Variants in DNM2 observed in about 807,000 individuals in gnomAD.
DNM2 encodes the protein dynamin-2.
Under a neutral mutation model 99.0 loss-of-function variants are expected in DNM2, and 15 were observed. The ratio of observed to expected loss-of-function variants is 0.15; its 90% CI spans 0.10 to 0.23. DNM2 has a LOEUF of 0.23. DNM2 is among the 10% of genes least tolerant of loss of function. The pLI, the probability that DNM2 is intolerant of heterozygous loss-of-function variation, is 1.00. For synonymous variants in DNM2, 525 were observed against 481.2 expected, an observed-to-expected ratio of 1.09 and a Z score of -1.19; for missense variants, 742 against 1,189.4, an observed-to-expected ratio of 0.62 and a Z score of 5.53.
intron 6 of DNM2, among the ~76,000 whole-genome samples, chr19:10,784,272 G>A (rs560987876): frequency 2.0e-5 from 3 of 152,068 alleles, no homozygotes; most frequent in Non-Finnish European, 4.4e-5. Context: ...CCAACAAACC[G>A]CCAGATAAAT....
intron 13 of DNM2, among the ~76,000 whole-genome samples, chr19:10,807,825 C>T (rs2072402897): frequency 6.7e-6 from 1 of 150,292 alleles, no homozygotes; most frequent in Non-Finnish European, 1.5e-5. Context: ...CTGGGATTAT[C>T]ATGCCAGCCT....
intron 18 of DNM2, among the ~76,000 whole-genome samples, chr19:10,827,128 C>T (rs2073166071): frequency 6.6e-6 from 1 of 152,142 alleles, no homozygotes; most frequent in South Asian, 2.1e-4. Flanking sequence ...GCCCTCCCAC[C>T]CTGTTGCTCC....
At chr19:10,800,149 T>C (rs985564747) in intron 11 of DNM2, among the ~76,000 whole-genome samples, 1 of 152,184 alleles carries the variant, frequency 6.6e-6, no homozygotes, top group Non-Finnish European at 1.5e-5. Context: ...GAGCCACTGC[T>C]CCCAGATCTG....
chr19:10,772,399 A>G lies in DNM2; in HGVS notation c.236-80A>G. 1 of 1,588,220 alleles carries G rather than the reference A, an allele frequency of 6.3e-7. No individual in the cohort carries two copies. The highest frequency in any genetic ancestry group is 8.6e-7 in the Non-Finnish European group (1 of 1,166,080). On this transcript the variant is annotated intron_variant, in intron 2 of 20. Coordinates refer to ENST00000389253, the MANE Select transcript of DNM2 (RefSeq NM_001005361.3). The surrounding 1 kb of genome is among the most constrained non-coding windows in gnomAD (Gnocchi z 4.9). ...CAGCCTGGGTCATTACTTTCATTCA[A>G]CAAAGCATTTCTCCCCGCAGTCCAT... is the stretch of plus-strand genomic sequence containing the variant.
At chr19:10,779,502 C>CTTTCTTTTT (rs1290878626) in intron 5 of DNM2, among the ~76,000 whole-genome samples, 23 of 29,628 alleles carry the variant, frequency 7.8e-4, no homozygotes, top group Non-Finnish European at 1.0e-3. Context: ...TTCTTTCTTT[C>CTTTCTTTTT]TTTTTTTTTT....
At chr19:10,804,769 A>G (rs558780862) in intron 12 of DNM2, among the ~76,000 whole-genome samples, 10 of 152,218 alleles carry the variant, frequency 6.6e-5, no homozygotes, top group Non-Finnish European at 1.2e-4. Flanking sequence ...ACTGGATAAA[A>G]TTCTGCCTTT....
At chr19:10,761,557 C>T (rs1039241063) in intron 2 of DNM2, among the ~76,000 whole-genome samples, 6 of 152,108 alleles carry the variant, frequency 3.9e-5, no homozygotes, top group East Asian at 1.9e-4. Flanking sequence ...CAGCTCTGGG[C>T]GTTCAACACT....
chr19:10,766,913 C>T (rs769657095), intron 2 of DNM2, among the ~76,000 whole-genome samples: 4 of 152,164 alleles, frequency 2.6e-5, no homozygotes, highest in African/African-American at 9.7e-5. Flanking sequence ...TGAGGGGGCC[C>T]GGGCTGACCC....
intron 7 of DNM2, among the ~76,000 whole-genome samples, chr19:10,787,461 ACT>A (rs1411960020): frequency 6.8e-6 from 1 of 147,252 alleles, no homozygotes; most frequent in African/African-American, 2.5e-5. Context: ...TCAGAGTGAG[ACT>A]CTGTTTAAAA....
chr19:10,729,830 T>A (rs1250385647), intron 1 of DNM2, among the ~76,000 whole-genome samples: 1 of 151,912 alleles, frequency 6.6e-6, no homozygotes, highest in African/African-American at 2.4e-5. Flanking sequence ...TACATGCTGG[T>A]ACCTATAGAG....
chr19:10,830,134 C>T lies in DNM2; in HGVS notation c.2299C>T (p.Pro767Ser), dbSNP rs2073286433. 1 of 1,613,744 alleles carries T rather than the reference C, an allele frequency of 6.2e-7. No homozygotes were observed. Among genetic ancestry groups the T allele is most frequent in the African/African-American group, 1.3e-5 (1 of 74,870 alleles). Reference sequence around the variant, plus strand: ...CCCTCTCCTTCCTCACAGCCCCACTCCACAGCGCCGACCGGTGTCCAGCAT... The same window carrying T: ...CCCTCTCCTTCCTCACAGCCCCACTTCACAGCGCCGACCGGTGTCCAGCAT... ...LQSASSHSPT[P>S]QRRPVSSIHP... Residue 767 changes from proline (P) to serine (S), a missense_variant, in exon 20 of 21, where the codon CCA becomes TCA. Pro to Ser is a moderately conservative substitution (Grantham distance 74). Transcript: ENST00000389253. This position sits in a 1 kb window ranked among gnomAD's most constrained non-coding sequence, Gnocchi z 4.8.
At chr19:10,798,375 C>T in intron 10 of DNM2, 111 bp from the exon 11 acceptor site, 1 of 692,012 alleles carries the variant, frequency 1.4e-6, no homozygotes, top group South Asian at 1.9e-5. Context: ...CTCGGTGGGC[C>T]CCCTCATATC....
At position 10,795,383 on chromosome 19, in the gene DNM2, C is replaced by T. The variant is rs147526170; in HGVS notation, c.1140C>T (p.Asp380=). The T allele has an allele frequency of 8.7e-6, 14 of 1,614,014 alleles. No homozygotes were observed. The highest frequency in any genetic ancestry group is 8.0e-5 in the African/African-American group (6 of 74,910). The change falls in exon 9 of 21, where the codon GAC becomes GAT. Residue 380 remains aspartate, a synonymous_variant. Transcript: ENST00000389253. The surrounding 1 kb of genome is among the most constrained non-coding windows in gnomAD (Gnocchi z 4.2). ...TTGTCTCTTCTCAGATGGAGTTTGA[C>T]GAGAAGGACTTACGACGGGAGATCA... ...FPFELVKMEF[D]EKDLRREISY... is the part of the protein sequence containing the mutation.
intron 1 of DNM2, among the ~76,000 whole-genome samples, chr19:10,756,568 C>G (rs2070392078): frequency 6.6e-6 from 1 of 152,186 alleles, no homozygotes; most frequent in African/African-American, 2.4e-5. Context: ...TAGTGCCTGG[C>G]AGGCAGGTCC....
At chr19:10,721,344 ATGGG>A (rs1198237015) in intron 1 of DNM2, among the ~76,000 whole-genome samples, 1 of 152,120 alleles carries the variant, frequency 6.6e-6, no homozygotes, top group African/African-American at 2.4e-5. Context: ...TTTAGCAGAG[ATGGG>A]GTTTCACCAT....
chr19:10,777,422 G>A (rs2071191059), intron 5 of DNM2, among the ~76,000 whole-genome samples: 1 of 152,058 alleles, frequency 6.6e-6, no homozygotes, highest in African/African-American at 2.4e-5. Context: ...ACACCTGCTG[G>A]TTTCTGAAAC....
intron 2 of DNM2, among the ~76,000 whole-genome samples, chr19:10,766,931 A>G (rs2070817070): frequency 6.6e-6 from 1 of 152,098 alleles, no homozygotes; most frequent in South Asian, 2.1e-4. Context: ...CCCTCCTCCC[A>G]GGGAGCCCTC....
At chr19:10,825,846 T>C (rs1376216866) in intron 18 of DNM2, among the ~76,000 whole-genome samples, 14 of 95,902 alleles carry the variant, frequency 1.5e-4, no homozygotes, top group Admixed American at 5.1e-4. Context: ...AGAGCGAGAC[T>C]CCATCTCAAA....
chr19:10,783,482 T>G (rs1555707786), intron 6 of DNM2, among the ~76,000 whole-genome samples: 1 of 152,006 alleles, frequency 6.6e-6, no homozygotes, highest in Non-Finnish European at 1.5e-5. Flanking sequence ...CTTAAATAAC[T>G]AAATAAAAGA....
Sources: gnomAD v4.1 joint callset for allele counts (sites outside exome capture counted in the v4.1 genomes callset) on GRCh38, gnomAD v4.1.1 for gene constraint, Gnocchi (gnomAD v3.1) non-coding constraint, MANE v1.5 for transcripts, NCBI Gene and HGNC (gene_info 2026-07-23, HGNC 2026-07-21) for gene names.